The following DNAH3 variants were observed in gnomAD, a reference collection of about 807,000 sequenced individuals.
DNAH3 encodes axonemal beta dynein heavy chain 3.
DNAH3 carries 332 observed loss-of-function variants against 432.5 expected under a neutral mutation model. The ratio of observed to expected loss-of-function variants is 0.77; its 90% CI spans 0.70 to 0.84. The LOEUF is 0.84. Among genes scored for constraint, DNAH3 ranks in the 40% least tolerant of loss-of-function variants. The probability of loss-of-function intolerance (pLI) is 0.00; values close to 1 mark genes in which losing one functional copy is unlikely to be tolerated. For synonymous variants in DNAH3, 1,956 were observed against 1,900.2 expected (o/e 1.03, Z -0.76); for missense variants, 4,861 against 5,114.0 (o/e 0.95, Z 1.51).
At chr16:21,125,951 A>T (rs1188471291) in intron 8 of DNAH3, among the ~76,000 whole-genome samples, 1 of 152,204 alleles carries the variant, frequency 6.6e-6, no homozygotes, top group Non-Finnish European at 1.5e-5. Flanking sequence ...GTTAGAGACC[A>T]GCCCGGCCAA....
Position 21,075,079 on chromosome 16 carries a change from T to C in DNAH3, c.3084+368A>G, listed in dbSNP as rs369039649. Among the ~76,000 whole-genome samples the C allele has an allele frequency of 6.8e-4, 103 of 152,272 alleles. 2 individuals carry two copies. Among genetic ancestry groups the C allele is most frequent in the Middle Eastern group, 3.4e-3 (1 of 294 alleles). The stretch of plus-strand genomic sequence containing the variant: ...AGATCTCCGATGATTCCTGCATGCA[T>C]TGACATCTGAGAAACACTAGTCATT... On this transcript the variant is annotated intron_variant, in intron 21 of 61. Transcript: ENST00000261383.
chr16:21,136,788 G>A (rs551099220), intron 5 of DNAH3, among the ~76,000 whole-genome samples: 135 of 152,208 alleles, frequency 8.9e-4, no homozygotes, highest in African/African-American at 3.1e-3. Context: ...TAGGAACAGT[G>A]GAGTGAGTAC....
chr16:20,993,318 C>A (rs2086634760), intron 44 of DNAH3, among the ~76,000 whole-genome samples: 1 of 152,154 alleles, frequency 6.6e-6, no homozygotes, highest in Admixed American at 6.6e-5. Context: ...CATAATATCA[C>A]CTCTCCATTT....
intron 8 of DNAH3, among the ~76,000 whole-genome samples, 200 bp from the exon 10 acceptor site, chr16:21,125,570 G>A (rs965374154): frequency 6.6e-6 from 1 of 152,232 alleles, no homozygotes; most frequent in Non-Finnish European, 1.5e-5. Context: ...TTTGAATTAA[G>A]AGGTTATTCT....
intron 1 of DNAH3, among the ~76,000 whole-genome samples, chr16:21,157,138 C>T (rs1295925793): frequency 4.6e-5 from 7 of 152,026 alleles, no homozygotes; most frequent in Admixed American, 4.6e-4. Flanking sequence ...CTATCCCCAC[C>T]ATTAGCTCTT....
intron 5 of DNAH3, among the ~76,000 whole-genome samples, chr16:21,139,645 T>C (rs1307093305): frequency 6.6e-6 from 1 of 151,806 alleles, no homozygotes; most frequent in Non-Finnish European, 1.5e-5. Flanking sequence ...CCCAGCTAAT[T>C]TTTGTAGAGA....
chr16:21,058,635 T>G (rs770326988), intron 26 of DNAH3, among the ~76,000 whole-genome samples: 13 of 152,202 alleles, frequency 8.5e-5, no homozygotes, highest in Non-Finnish European at 1.6e-4. Flanking sequence ...TAAATAAAGT[T>G]GTATTGAAAT....
At chr16:21,050,379 A>T (rs936352006) in intron 29 of DNAH3, among the ~76,000 whole-genome samples, 1 of 152,242 alleles carries the variant, frequency 6.6e-6, no homozygotes, top group African/African-American at 2.4e-5. Flanking sequence ...TAAACTCTAC[A>T]TTCCAAAGAT....
At chr16:21,049,300 T>G (rs536541780) in intron 31 of DNAH3, among the ~76,000 whole-genome samples, 1 of 152,286 alleles carries the variant, frequency 6.6e-6, no homozygotes, top group African/African-American at 2.4e-5. Flanking sequence ...TTGCATGAAC[T>G]TATGCAGAAT....
chr16:20,942,865 C>G (rs1206301224), intron 58 of DNAH3, among the ~76,000 whole-genome samples: 1 of 152,114 alleles, frequency 6.6e-6, no homozygotes, highest in African/African-American at 2.4e-5. Flanking sequence ...TGTTGAGTCA[C>G]ATGGTGAGAA....
chr16:21,030,143 A>G (rs950247383), intron 37 of DNAH3, among the ~76,000 whole-genome samples: 1 of 152,178 alleles, frequency 6.6e-6, no homozygotes, highest in African/African-American at 2.4e-5. Flanking sequence ...CACTTTTGCA[A>G]TGTGACCTGT....
At chr16:21,158,685 C>A (rs1247725203) in intron 1 of DNAH3, 1 of 152,930 alleles carries the variant, frequency 6.5e-6, no homozygotes, top group African/African-American at 2.4e-5. Context: ...TCTTGTTCCT[C>A]CTCCTGCCTC....
intron 18 of DNAH3, among the ~76,000 whole-genome samples, chr16:21,093,933 T>C (rs1407349691): frequency 6.6e-6 from 1 of 152,148 alleles, no homozygotes; most frequent in South Asian, 2.1e-4. Flanking sequence ...TAGGTCTAAA[T>C]GTAAAACATA....
intron 37 of DNAH3, among the ~76,000 whole-genome samples, chr16:21,028,167 G>GT (rs1163617442): frequency 6.6e-6 from 1 of 151,696 alleles, no homozygotes; most frequent in African/African-American, 2.4e-5. Flanking sequence ...TTTATTTTTT[G>GT]TTTTTTGTTT....
chr16:20,970,887 C>CA (rs992163818), intron 51 of DNAH3, among the ~76,000 whole-genome samples: 2 of 125,248 alleles, frequency 1.6e-5, no homozygotes, highest in African/African-American at 6.2e-5. Context: ...TTTTTTGAGA[C>CA]AGAGTCTCGC....
chr16:20,955,119 A>T (rs1375484162), intron 54 of DNAH3, 62 bp from the exon 55 acceptor site: 1 of 1,483,482 alleles, frequency 6.7e-7, no homozygotes, highest in Non-Finnish European at 9.0e-7. Flanking sequence ...AAAAGCAACA[A>T]CAAAAACAAA....
chr16:21,018,969 C>A lies in DNAH3; in HGVS notation c.6022+655G>T, dbSNP rs199593574. Among the ~76,000 whole-genome samples, 48 of 152,016 alleles carry A rather than the reference C, an allele frequency of 3.2e-4. No homozygotes were observed. In the East Asian group the frequency reaches 8.7e-3, roughly 27 times the overall value. On this transcript the variant is annotated intron_variant, in intron 41 of 61. Transcript: ENST00000261383. ...TACCCTATACGAAGGCATGTCAACA[C>A]ACACAGAAATAGAAAGGAATAAGAA...
At chr16:21,148,588 A>G (rs2092815994) in intron 1 of DNAH3, among the ~76,000 whole-genome samples, 1 of 152,044 alleles carries the variant, frequency 6.6e-6, no homozygotes, top group Non-Finnish European at 1.5e-5. Flanking sequence ...ATGCAAACTG[A>G]CAGGGACGCT....
exon 26 of DNAH3, chr16:21,060,278 C>T: frequency 6.2e-7 from 1 of 1,614,010 alleles, no homozygotes; most frequent in Non-Finnish European, 8.5e-7. Context: ...ACATATGCTT[C>T]AATCCCAAGT....
Sources: gnomAD v4.1 joint callset for allele counts (sites outside exome capture counted in the v4.1 genomes callset) on GRCh38, gnomAD v4.1.1 for gene constraint, MANE v1.5 for transcripts, NCBI Gene and HGNC (gene_info 2026-07-23, HGNC 2026-07-21) for gene names.